The following REV1 variants were observed in gnomAD, a reference collection of about 807,000 sequenced individuals.
REV1 encodes translesion synthesis protein REV1.
In REV1, 42 loss-of-function variants were observed where a neutral mutation model predicts 137.4. That is an observed-to-expected ratio of 0.31 (90% CI 0.24 to 0.40). The LOEUF is 0.40. Among genes scored for constraint, REV1 ranks in the 10% least tolerant of loss-of-function variants. The pLI, the probability that REV1 is intolerant of heterozygous loss-of-function variation, is 1.00. For missense variants in REV1, 1,282 were observed against 1,490.1 expected (o/e 0.86, Z 2.30); for synonymous variants, 524 against 519.2 (o/e 1.01, Z -0.12).
intron 8 of REV1, chr2:99,431,895 A>T: frequency 2.0e-6 from 2 of 985,470 alleles, no homozygotes; most frequent in Non-Finnish European, 2.4e-6. Context: ...GGGCACATGG[A>T]GAATGTGGAG....
intron 9 of REV1, among the ~76,000 whole-genome samples, chr2:99,425,668 A>G (rs1486743424): frequency 6.6e-6 from 1 of 152,250 alleles, no homozygotes; most frequent in Non-Finnish European, 1.5e-5. Flanking sequence ...AATTTCAGGT[A>G]ATAATTATGC....
At chr2:99,412,561 G>A (rs1677323284) in intron 13 of REV1, among the ~76,000 whole-genome samples, 170 bp downstream of exon 13, 1 of 151,946 alleles carries the variant, frequency 6.6e-6, no homozygotes, top group Admixed American at 6.6e-5. Flanking sequence ...TCTTATCTGG[G>A]GCTACACCTT....
At chr2:99,481,982 C>G (rs1300267488) in intron 1 of REV1, among the ~76,000 whole-genome samples, 4 of 152,146 alleles carry the variant, frequency 2.6e-5, no homozygotes, top group Non-Finnish European at 5.9e-5. Flanking sequence ...CTCCTTGGCC[C>G]ACAGCTGAGT....
At chr2:99,426,700 C>T (rs936241781) in intron 9 of REV1, among the ~76,000 whole-genome samples, 2 of 152,136 alleles carry the variant, frequency 1.3e-5, no homozygotes, top group African/African-American at 4.8e-5. Context: ...TCCAAAGTGT[C>T]TCAAAGTGTC....
At chr2:99,488,548 AAGAGAGCC>A (rs1687333345) in intron 1 of REV1, among the ~76,000 whole-genome samples, 1 of 49,812 alleles carries the variant, frequency 2.0e-5, no homozygotes. Context: ...AATTGAATGG[AAGAGAGCC>A]TTGTATACTG....
chr2:99,454,244 AC>A (rs1683262157), intron 3 of REV1, among the ~76,000 whole-genome samples: 1 of 151,918 alleles, frequency 6.6e-6, no homozygotes, highest in African/African-American at 2.4e-5. Context: ...CCACAAAAAA[AC>A]AAAAACAAAA....
chr2:99,420,387 G>A (rs931633363), intron 11 of REV1, among the ~76,000 whole-genome samples: 1 of 152,074 alleles, frequency 6.6e-6, no homozygotes, highest in South Asian at 2.1e-4. Context: ...TTGTCCCAGG[G>A]CCAGCTACCA....
chr2:99,408,960 A>C (rs1676720184), intron 14 of REV1, among the ~76,000 whole-genome samples: 1 of 152,238 alleles, frequency 6.6e-6, no homozygotes, highest in Non-Finnish European at 1.5e-5. Flanking sequence ...GAAATGTTTA[A>C]GAAGATAATC....
At chr2:99,457,549 A>C (rs1213084197) in intron 3 of REV1, among the ~76,000 whole-genome samples, 1 of 152,130 alleles carries the variant, frequency 6.6e-6, no homozygotes, top group Non-Finnish European at 1.5e-5. Context: ...GCTGGGCATC[A>C]TGGCATGTGC....
Position 99,405,974 on chromosome 2 carries a change from A to G in REV1, c.2747T>C (p.Leu916Pro). The G allele has an allele frequency of 6.2e-7, 1 of 1,614,054 alleles. No individual in the cohort carries two copies. Among genetic ancestry groups the G allele is most frequent in the Non-Finnish European group, 8.5e-7 (1 of 1,179,946 alleles). Reference sequence around the variant, plus strand: ...CGACTGCACACTGACAGGAGTATGTAGACCATTCCATTTCCCTGAAGACTC... The same window carrying G: ...CGACTGCACACTGACAGGAGTATGTGGACCATTCCATTTCCCTGAAGACTC... Reference protein sequence around the residue: ...KAESSGKWNGLHTPVSVQSRL... With the variant: ...KAESSGKWNGPHTPVSVQSRL... Residue 916 changes from leucine (L) to proline (P), a missense_variant, in exon 17 of 23, where the codon CTA becomes CCA. Leu to Pro is a moderately conservative substitution (Grantham distance 98, BLOSUM62 -3). This residue lies in a region of REV1 where 135 missense variants were observed against 123.3 expected (regional missense o/e 1.10). Coordinates refer to ENST00000258428, the MANE Select transcript of REV1 (RefSeq NM_016316.4).
chr2:99,458,415 G>C (rs1450089542), intron 3 of REV1, among the ~76,000 whole-genome samples: 1 of 152,144 alleles, frequency 6.6e-6, no homozygotes, highest in African/African-American at 2.4e-5. Flanking sequence ...TATTAAAATG[G>C]ATAAAATGAA....
intron 10 of REV1, among the ~76,000 whole-genome samples, chr2:99,423,494 C>T (rs13426758): frequency 0.16 from 25,093 of 152,136 alleles, 2,606 homozygotes; most frequent in African/African-American, 0.27. Context: ...CTTCAGAAAA[C>T]TATGCTGACC....
At chr2:99,401,424 A>G in intron 22 of REV1, 72 bp from the exon 23 acceptor site, 1 of 1,016,018 alleles carries the variant, frequency 9.8e-7, no homozygotes, top group South Asian at 1.6e-5. Context: ...TCCTTTTTAT[A>G]TATAAAAATT....
intron 3 of REV1, among the ~76,000 whole-genome samples, chr2:99,450,356 TTC>T (rs1255437652): frequency 2.0e-5 from 3 of 152,216 alleles, no homozygotes; most frequent in Non-Finnish European, 2.9e-5. Flanking sequence ...ATCATCACTG[TTC>T]TCTTTCTTTC....
At chr2:99,440,525 G>C (rs758155798) in intron 5 of REV1, among the ~76,000 whole-genome samples, 5 of 152,228 alleles carry the variant, frequency 3.3e-5, no homozygotes, top group African/African-American at 4.8e-5. Flanking sequence ...ACATCATATG[G>C]AATGTGACAG....
At chr2:99,437,052 G>A (rs916891936) in intron 6 of REV1, among the ~76,000 whole-genome samples, 2 of 148,830 alleles carry the variant, frequency 1.3e-5, no homozygotes, top group African/African-American at 2.5e-5. Flanking sequence ...GCAGTGGTGC[G>A]ATCTGCAACC....
intron 11 of REV1, among the ~76,000 whole-genome samples, chr2:99,419,935 C>A (rs564642491): frequency 6.6e-6 from 1 of 152,108 alleles, no homozygotes; most frequent in Non-Finnish European, 1.5e-5. Context: ...GGAAGTCACA[C>A]CAAAATGATA....
chr2:99,486,421 C>T (rs1687138813), intron 1 of REV1, among the ~76,000 whole-genome samples: 2 of 151,538 alleles, frequency 1.3e-5, no homozygotes, highest in African/African-American at 2.4e-5. Context: ...CCCAGCTACT[C>T]GGGAGGCTGA....
chr2:99,472,829 A>G (rs1473142072), intron 1 of REV1, among the ~76,000 whole-genome samples: 2 of 152,228 alleles, frequency 1.3e-5, no homozygotes, highest in Non-Finnish European at 2.9e-5. Flanking sequence ...AGTCTGCTCC[A>G]ATGTGCTCTT....
Sources: gnomAD v4.1 joint callset for allele counts (sites outside exome capture counted in the v4.1 genomes callset) on GRCh38, gnomAD v4.1.1 for gene constraint, gnomAD v4.1.1 regional missense constraint, MANE v1.5 for transcripts, NCBI Gene and HGNC (gene_info 2026-07-23, HGNC 2026-07-21) for gene names.